IL12RB2: variants seen among roughly 807,000 people sequenced by gnomAD.
IL12RB2 encodes the protein interleukin-12 receptor subunit beta-2.
A neutral mutation model predicts 89.4 loss-of-function variants in IL12RB2; 82 were observed. That is an observed-to-expected ratio of 0.92 (90% CI 0.77 to 1.10). The LOEUF is 1.10. Ranked by LOEUF, IL12RB2 falls within the 50% of genes least tolerant of loss-of-function variation. The pLI is 0.00. For synonymous variants in IL12RB2, 368 were observed against 370.1 expected, an observed-to-expected ratio of 0.99 and a Z score of 0.07; for missense variants, 963 against 1,031.9, an observed-to-expected ratio of 0.93 and a Z score of 0.92.
chr1:67,321,930 T>C (rs1157174703), intron 4 of IL12RB2, 41 bp downstream of exon 4: 1 of 1,551,794 alleles, frequency 6.4e-7, no homozygotes. Flanking sequence ...TGGTGATCTT[T>C]TGGTATTTTT....
intron 6 of IL12RB2, among the ~76,000 whole-genome samples, chr1:67,329,203 C>T (rs750335479): frequency 2.0e-5 from 3 of 152,170 alleles, no homozygotes; most frequent in Non-Finnish European, 2.9e-5. Flanking sequence ...AATTTTCCTA[C>T]GAACATTTCT....
chr1:67,330,231 T>C (rs1046279189), intron 7 of IL12RB2, among the ~76,000 whole-genome samples: 2 of 151,534 alleles, frequency 1.3e-5, no homozygotes, highest in Admixed American at 6.6e-5. Context: ...GTCCCACAGA[T>C]AGCTGATATT....
At chr1:67,362,586 A>AAG (rs1274571836) in intron 10 of IL12RB2, among the ~76,000 whole-genome samples, 3 of 149,986 alleles carry the variant, frequency 2.0e-5, no homozygotes, top group Non-Finnish European at 4.5e-5. Context: ...AAAAAAAAAA[A>AAG]AAAAAAGAAA....
chr1:67,374,235 A>G (rs985735959), intron 13 of IL12RB2, among the ~76,000 whole-genome samples: 2 of 152,180 alleles, frequency 1.3e-5, no homozygotes, highest in African/African-American at 4.8e-5. Flanking sequence ...ATAAGGGCTT[A>G]TGGTCATTTG....
At chr1:67,356,511 T>C (rs1256708068) in intron 10 of IL12RB2, among the ~76,000 whole-genome samples, 2 of 152,128 alleles carry the variant, frequency 1.3e-5, no homozygotes, top group East Asian at 3.9e-4. Context: ...GCCTGGCAGT[T>C]TCAAACAAGA....
At chr1:67,364,040 A>C (rs1356381301) in intron 10 of IL12RB2, among the ~76,000 whole-genome samples, 16 of 152,262 alleles carry the variant, frequency 1.1e-4, no homozygotes, top group Non-Finnish European at 1.9e-4. Context: ...ACAAATAGTC[A>C]AAGTGGATAA....
chr1:67,314,973 C>T (rs1009808995), intron 2 of IL12RB2, among the ~76,000 whole-genome samples: 3 of 152,132 alleles, frequency 2.0e-5, no homozygotes, highest in African/African-American at 7.2e-5. Flanking sequence ...ACCCTCTAGG[C>T]AGGGTATGTG....
Position 67,395,662 on chromosome 1 carries a change from C to T in IL12RB2, c.2162C>T (p.Pro721Leu), listed in dbSNP as rs754436548. The change falls in exon 17 of 17, where the codon CCC becomes CTC. Residue 721 changes from proline (P) to leucine (L), a missense_variant. Pro to Leu is a moderately conservative substitution (Grantham distance 98, BLOSUM62 -3). Coordinates refer to ENST00000674203, the MANE Select transcript of IL12RB2 (RefSeq NM_001374259.2). ...CAAGTGACCCCAGTTTTCAGACATC[C>T]CCCCTGCTCCAACTGGCCACAAAGG... Reference protein sequence around the residue: ...LHQVTPVFRHPPCSNWPQREK... With the variant: ...LHQVTPVFRHLPCSNWPQREK... 6.2e-7 allele frequency: 1 copy of T among 1,614,174 alleles called. No individual in the cohort carries two copies. The highest frequency in any genetic ancestry group is 8.5e-7 in the Non-Finnish European group (1 of 1,180,026).
chr1:67,367,462 G>GGGAAGGAAGGAAGGAA (rs55681603), intron 10 of IL12RB2, among the ~76,000 whole-genome samples: 26,303 of 127,082 alleles, frequency 0.21, 3,039 homozygotes, highest in East Asian at 0.27. Context: ...AAAGGAACGA[G>GGGAAGGAAGGAAGGAA]GGAAGGAAGG....
In IL12RB2 at chr1:67,395,595, C is replaced by T. The variant is rs775841255; in HGVS notation, c.2095C>T (p.Pro699Ser). Reference protein sequence around the residue: ...LDRLLIDWPTPEDPEPLVISE... With the variant: ...LDRLLIDWPTSEDPEPLVISE... The stretch of plus-strand genomic sequence containing the variant: ...CAGGCTCCTGATAGACTGGCCCACG[C>T]CTGAAGATCCTGAACCGCTGGTCAT... The change falls in exon 17 of 17, where the codon CCT becomes TCT. Residue 699 changes from proline (P) to serine (S), a missense_variant. Transcript: ENST00000674203. The T allele has an allele frequency of 6.2e-7, 1 of 1,614,246 alleles. No homozygotes were observed. The highest frequency in any genetic ancestry group is 1.1e-5 in the South Asian group (1 of 91,086).
rs1040874563 is a variant in IL12RB2, at chr1:67,307,879, C to G, written c.-213C>G. 6.6e-6 allele frequency: 1 copy of G among 152,052 alleles called. No homozygotes were observed. The highest frequency in any genetic ancestry group is 1.5e-5 in the Non-Finnish European group (1 of 68,008). 9.4% of individuals were successfully genotyped at this position (152,052 alleles called of 1,614,324 possible). ...GGAACGCCCGAGCGCCGGCAGAGAG[C>G]GCGGAGAGCGCGACACGTGCGGCCC... On this transcript the variant is annotated 5_prime_UTR_variant, in exon 1 of 17. Coordinates refer to ENST00000674203, the MANE Select transcript of IL12RB2 (RefSeq NM_001374259.2).
At chr1:67,384,020 G>GACC (rs1311641077) in intron 14 of IL12RB2, among the ~76,000 whole-genome samples, 2 of 152,236 alleles carry the variant, frequency 1.3e-5, no homozygotes, top group Non-Finnish European at 2.9e-5. Flanking sequence ...CATGGTGCAA[G>GACC]CTGTCAGTGG....
intron 10 of IL12RB2, among the ~76,000 whole-genome samples, chr1:67,367,029 A>G (rs1021496195): frequency 2.8e-4 from 42 of 152,236 alleles, no homozygotes; most frequent in Admixed American, 2.7e-3. Context: ...AAACAAATAT[A>G]TGAAAGGTGG....
intron 10 of IL12RB2, among the ~76,000 whole-genome samples, chr1:67,361,648 T>C (rs940881416): frequency 6.6e-6 from 1 of 151,794 alleles, no homozygotes; most frequent in African/African-American, 2.4e-5. Flanking sequence ...TAACAACATA[T>C]ACAAAATCTG....
At chr1:67,321,512 T>G (rs1455538025) in intron 3 of IL12RB2, 90 bp from the exon 4 acceptor site, 1 of 841,666 alleles carries the variant, frequency 1.2e-6, no homozygotes, top group African/African-American at 1.7e-5. Context: ...TGGAGTTAAT[T>G]TTACCCTGTT....
chr1:67,338,370 A>AAAAAAAAAAAT (rs1659096725), intron 8 of IL12RB2, among the ~76,000 whole-genome samples: 1 of 147,388 alleles, frequency 6.8e-6, no homozygotes. Flanking sequence ...AAAAAAAAAA[A>AAAAAAAAAAAT]AAAGTAAGTT....
intron 10 of IL12RB2, among the ~76,000 whole-genome samples, chr1:67,360,171 G>A (rs748046487): frequency 3.3e-5 from 5 of 152,118 alleles, no homozygotes; most frequent in Non-Finnish European, 5.9e-5. Context: ...GGAGGCTGAG[G>A]CAGGTGGATC....
At position 67,315,276 on chromosome 1, in the gene IL12RB2, T is replaced by A. The variant is rs116654606; in HGVS notation, c.-37+1276T>A. ...AAACATATTTCATATATATCCATTT[T>A]TTTAAATCCTTATAATTATCATATG... On this transcript the variant is annotated intron_variant, in intron 2 of 16. Transcript: ENST00000674203. Among the ~76,000 whole-genome samples the A allele has an allele frequency of 6.4e-3, 976 of 152,242 alleles. 13 individuals carry two copies. The highest frequency in any genetic ancestry group is 0.022 in the African/African-American group (927 of 41,560).
intron 9 of IL12RB2, among the ~76,000 whole-genome samples, chr1:67,346,678 G>A (rs1342920033): frequency 1.3e-5 from 2 of 152,124 alleles, no homozygotes; most frequent in Admixed American, 6.5e-5. Context: ...GAGCCACCGC[G>A]CACGGCCAAG....
Sources: gnomAD v4.1 joint callset for allele counts (sites outside exome capture counted in the v4.1 genomes callset) on GRCh38, gnomAD v4.1.1 for gene constraint, MANE v1.5 for transcripts, NCBI Gene and HGNC (gene_info 2026-07-23, HGNC 2026-07-21) for gene names.